Variants in RBM5 observed in about 807,000 individuals in gnomAD.
The protein encoded by RBM5 is RNA binding motif protein 5, also known as RNA-binding protein 5.
Under a neutral mutation model 124.6 loss-of-function variants are expected in RBM5, and 15 were observed. The observed-to-expected ratio is 0.12, with a 90% CI of 0.08 to 0.19. RBM5 has a LOEUF of 0.19. RBM5 is among the 10% of genes least tolerant of loss of function. RBM5 has a pLI of 1.00. For missense variants in RBM5, 580 were observed against 1,026.5 expected, an observed-to-expected ratio of 0.57 and a Z score of 5.94; for synonymous variants, 337 against 361.2, an observed-to-expected ratio of 0.93 and a Z score of 0.76.
rs370558721 is a variant in RBM5 at position 50,109,736 on chromosome 3, T to C, written c.1278+48T>C. 1.3e-5 allele frequency: 20 copies of C among 1,516,494 alleles called. No individual in the cohort carries two copies. In the African/African-American group the frequency reaches 2.5e-4, roughly 19 times the overall value. 93.9% of individuals were successfully genotyped at this position (1,516,494 alleles called of 1,614,324 possible). A position where few individuals can be genotyped will look rare whatever the true frequency, so the allele number is the denominator to read the frequency against. ...AAAACTCGTGGCTGATGGGGAAATT[T>C]TGTTTTGCTATACAAGTATTACCCT... On this transcript the variant is annotated intron_variant, in intron 15 of 24. Transcript: ENST00000347869.
chr3:50,103,865 A>G (rs1339995147), intron 7 of RBM5, among the ~76,000 whole-genome samples: 3 of 152,152 alleles, frequency 2.0e-5, no homozygotes, highest in Admixed American at 6.5e-5. Context: ...GAGTGCTCAA[A>G]CTGTGTCCCC....
In RBM5 at chr3:50,115,479, G is replaced by A. The variant is rs2091231146; in HGVS notation, c.1891G>A (p.Val631Met). 3 of 1,614,056 alleles carry A rather than the reference G, an allele frequency of 1.9e-6. No homozygotes were observed. Among genetic ancestry groups the A allele is most frequent in the African/African-American group, 2.7e-5 (2 of 74,924 alleles). Residue 631 changes from valine to methionine, a missense_variant, in exon 21 of 25, where the codon GTG (valine) becomes ATG (methionine). Val to Met is a conservative substitution (Grantham distance 21). This residue lies in a region of RBM5 where 234 missense variants were observed against 435.1 expected (regional missense o/e 0.54). Transcript: ENST00000347869. Reference protein sequence around the residue: ...SGDSDNEEELVERLESEEEKL... With the variant: ...SGDSDNEEELMERLESEEEKL... ...TGACAGTGACAATGAGGAGGAGCTG[G>A]TGGAGAGACTTGAGAGTGAGGAAGA...
Position 50,106,835 on chromosome 3 carries a change from T to A in RBM5, c.924T>A (p.Ile308=), listed in dbSNP as rs1335848116. 1 of 1,612,698 alleles carries A rather than the reference T, an allele frequency of 6.2e-7. No homozygotes were observed. Among genetic ancestry groups the A allele is most frequent in the East Asian group, 2.2e-5 (1 of 44,874 alleles). ...HPPLKIDGKT[I]GVDFAKSARK... ...CTTTGAAAATTGATGGCAAAACTATTGGGGTTGATTTTGCAAAAAGTGCCA... is the reference window on the plus strand; with the variant it reads ...CTTTGAAAATTGATGGCAAAACTATAGGGGTTGATTTTGCAAAAAGTGCCA... Residue 308 remains isoleucine, a synonymous_variant, in exon 11 of 25, where the codon ATT becomes ATA. Transcript: ENST00000347869.
chr3:50,102,960 G>T (rs1005857246), intron 6 of RBM5, 123 bp from the exon 7 acceptor site: 16 of 741,394 alleles, frequency 2.2e-5, no homozygotes, highest in Middle Eastern at 2.9e-4. Context: ...GGCGGTGGTT[G>T]GTCCTCCCCG....
chr3:50,111,243 G>T (rs1190126466), intron 17 of RBM5, among the ~76,000 whole-genome samples: 3 of 152,170 alleles, frequency 2.0e-5, no homozygotes, highest in Admixed American at 1.3e-4. Flanking sequence ...CTTTTAGAGT[G>T]TACAAATCAG....
intron 14 of RBM5, among the ~76,000 whole-genome samples, chr3:50,108,949 G>A (rs895740820): frequency 6.6e-6 from 1 of 152,200 alleles, no homozygotes; most frequent in Admixed American, 6.5e-5. Flanking sequence ...CTGGTGCTCA[G>A]ACATCAATCA....
chr3:50,099,050 T>C (rs2090884486), intron 4 of RBM5, among the ~76,000 whole-genome samples: 2 of 151,800 alleles, frequency 1.3e-5, no homozygotes. Context: ...AGCCCAGGAG[T>C]TCCAGACCAG....
chr3:50,100,692 C>A lies in RBM5; in HGVS notation c.483+87C>A. On this transcript the variant is annotated intron_variant, in intron 6 of 24. Transcript: ENST00000347869. This position sits in a 1 kb window ranked among gnomAD's most constrained non-coding sequence, Gnocchi z 5.1. ...AAAAGGTTGAAGGAGTGGTTTGTTC[C>A]AAAGGAGTGACTTTTTTTTAAAAAA... 1.9e-6 allele frequency: 2 copies of A among 1,057,040 alleles called. No homozygotes were observed. Among genetic ancestry groups the A allele is most frequent in the East Asian group, 2.5e-5 (1 of 40,170 alleles). 65.5% of individuals were successfully genotyped at this position (1,057,040 alleles called of 1,614,324 possible).
At position 50,107,508 on chromosome 3, in the gene RBM5, G is replaced by A. The variant is rs146237025; in HGVS notation, c.980G>A (p.Arg327His). Residue 327 changes from arginine to histidine, a missense_variant, in exon 12 of 25, where the codon CGC (arginine) becomes CAC (histidine). This residue lies in a region of RBM5 where 42 missense variants were observed against 101.1 expected (regional missense o/e 0.42). Transcript: ENST00000347869. ...RKDLVLSDGN[R>H]VSAFSVASTA... ...GACTTGGTCCTCTCAGATGGTAACC[G>A]CGTCAGCGCTTTCTCTGTAGCTAGT... 1.0e-5 allele frequency: 16 copies of A among 1,608,020 alleles called. No homozygotes were observed. Among genetic ancestry groups the A allele is most frequent in the East Asian group, 2.2e-5 (1 of 44,826 alleles).
intron 18 of RBM5, 60 bp from the exon 19 acceptor site, chr3:50,113,890 T>C (rs2091192162): frequency 6.4e-7 from 1 of 1,570,610 alleles, no homozygotes; most frequent in South Asian, 1.2e-5. Flanking sequence ...CCTTAATGGC[T>C]CATTCTCATG....
intron 4 of RBM5, among the ~76,000 whole-genome samples, chr3:50,096,788 G>A (rs992572753): frequency 8.4e-6 from 1 of 119,628 alleles, no homozygotes; most frequent in Admixed American, 8.7e-5. Flanking sequence ...TTTTTTTTTT[G>A]TAGAGACAAG....
intron 4 of RBM5, 32 bp downstream of exon 4, chr3:50,093,907 C>A: frequency 6.3e-7 from 1 of 1,578,398 alleles, no homozygotes; most frequent in South Asian, 1.1e-5. Context: ...AACCAGCAGT[C>A]AGTAGGCACA....
At chr3:50,113,360 G>GT (rs750855094) in intron 17 of RBM5, 23 bp from the exon 18 acceptor site, 6 of 1,591,396 alleles carry the variant, frequency 3.8e-6, no homozygotes, top group Non-Finnish European at 5.1e-6. Flanking sequence ...TGCATTAATT[G>GT]TTTTTTGTTT....
In RBM5 at chr3:50,100,077, T is replaced by C. The variant is rs756760210; in HGVS notation, c.409+26T>C. 6.2e-6 allele frequency: 10 copies of C among 1,604,874 alleles called. No individual in the cohort carries two copies. Among genetic ancestry groups the C allele is most frequent in the South Asian group, 1.1e-5 (1 of 89,876 alleles). On this transcript the variant is annotated intron_variant, in intron 5 of 24. Transcript: ENST00000347869. This position sits in a 1 kb window ranked among gnomAD's most constrained non-coding sequence, Gnocchi z 5.1. ...GTGAGAGCTTGCTTAGTTCCTGATA[T>C]TATTGTTCTCTTCCCCATTCCCACC...
chr3:50,100,115 G>T lies in RBM5; in HGVS notation c.409+64G>T. The T allele has an allele frequency of 7.0e-7, 1 of 1,420,032 alleles. No homozygotes were observed. Among genetic ancestry groups the T allele is most frequent in the Non-Finnish European group, 9.8e-7 (1 of 1,017,870 alleles). 88.0% of individuals were successfully genotyped at this position (1,420,032 alleles called of 1,614,324 possible). On this transcript the variant is annotated intron_variant, in intron 5 of 24. Coordinates refer to ENST00000347869, the MANE Select transcript of RBM5 (RefSeq NM_005778.4). This position sits in a 1 kb window ranked among gnomAD's most constrained non-coding sequence, Gnocchi z 5.1. ...CCCCATTCCCACCTCAGTCCCTAAA[G>T]AACATCCTGATTCCCCCAGTCTTCA...
At chr3:50,113,242 T>C (rs1246491960) in intron 17 of RBM5, 141 bp from the exon 18 acceptor site, 11 of 736,030 alleles carry the variant, frequency 1.5e-5, no homozygotes, top group Non-Finnish European at 2.4e-5. Context: ...CCTTTACTTA[T>C]ACCAAGGTGT....
intron 18 of RBM5, 40 bp from the exon 19 acceptor site, chr3:50,113,910 A>C: frequency 6.2e-7 from 1 of 1,602,804 alleles, no homozygotes; most frequent in Non-Finnish European, 8.5e-7. Flanking sequence ...GGCACAGGGG[A>C]TTAAATATTT....
chr3:50,092,209 G>A lies in RBM5; in HGVS notation c.183+1G>A. On this transcript the variant is annotated splice_donor_variant, in intron 3 of 24. Coordinates refer to ENST00000347869, the MANE Select transcript of RBM5 (RefSeq NM_005778.4). LOFTEE classifies it high-confidence loss of function. ...CTACCGAGACTATGACAGTCCAGAG[G>A]TGAGTGACCAGCGGCTGTATAACCC... 1 of 1,611,992 alleles carries A rather than the reference G, an allele frequency of 6.2e-7. No homozygotes were observed. The highest frequency in any genetic ancestry group is 8.5e-7 in the Non-Finnish European group (1 of 1,179,294).
At chr3:50,091,307 T>C (rs907431682) in intron 2 of RBM5, among the ~76,000 whole-genome samples, 1 of 152,270 alleles carries the variant, frequency 6.6e-6, no homozygotes, top group Non-Finnish European at 1.5e-5. Context: ...GAAGCCCTTA[T>C]AAACCTTTCC....
Sources: gnomAD v4.1 joint callset for allele counts (sites outside exome capture counted in the v4.1 genomes callset) on GRCh38, gnomAD v4.1.1 for gene constraint, gnomAD v4.1.1 regional missense constraint, Gnocchi (gnomAD v3.1) non-coding constraint, MANE v1.5 for transcripts, NCBI Gene and HGNC (gene_info 2026-07-23, HGNC 2026-07-21) for gene names.